FAXDC2: variants seen among roughly 807,000 people sequenced by gnomAD.
The protein encoded by FAXDC2 is fatty acid hydroxylase domain-containing protein 2.
A neutral mutation model predicts 40.9 loss-of-function variants in FAXDC2; 41 were observed. That is an observed-to-expected ratio of 1.00 (90% CI 0.78 to 1.30). FAXDC2 has a LOEUF of 1.30. Ranked by LOEUF, FAXDC2 falls within the 50% of genes most tolerant of loss-of-function variation. FAXDC2 has a pLI of 0.00. For synonymous variants in FAXDC2, 157 were observed against 149.3 expected (o/e 1.05, Z -0.38); for missense variants, 390 against 408.8 (o/e 0.95, Z 0.40).
At position 154,823,514 on chromosome 5, in the gene FAXDC2, A is replaced by T; in HGVS notation, c.445T>A (p.Phe149Ile). ...CACCATTTGAGGAAGGGATAGAGGA[A>T]GACCACCATGGGGAAAGATATCATG... ...QCMISFPMVV[F>I]LYPFLKWWRD... Residue 149 changes from phenylalanine to isoleucine, a missense_variant, in exon 6 of 9, where the codon TTC becomes ATC. By Grantham distance (21) the Phe-to-Ile change is conservative. Transcript: ENST00000326080. The T allele has an allele frequency of 6.2e-7, 1 of 1,614,204 alleles. No homozygotes were observed. The highest frequency in any genetic ancestry group is 8.5e-7 in the Non-Finnish European group (1 of 1,180,014).
chr5:154,846,540 T>G (rs1156841071), intron 1 of FAXDC2, among the ~76,000 whole-genome samples: 1 of 152,080 alleles, frequency 6.6e-6, no homozygotes, highest in Non-Finnish European at 1.5e-5. Context: ...AAGTAAATAT[T>G]TTTTAAACAT....
chr5:154,842,765 C>T (rs950796748), intron 1 of FAXDC2, among the ~76,000 whole-genome samples: 3 of 150,268 alleles, frequency 2.0e-5, no homozygotes, highest in Non-Finnish European at 3.0e-5. Context: ...CTCCTGACCT[C>T]GTGATCTGCC....
At chr5:154,824,641 C>A in intron 5 of FAXDC2, 1 of 693,160 alleles carries the variant, frequency 1.4e-6, no homozygotes, top group South Asian at 1.5e-5. Context: ...TCTATCTATT[C>A]ATTTATTTAT....
Position 154,846,231 on chromosome 5 carries a change from G to A in FAXDC2, c.-1+4252C>T, listed in dbSNP as rs1433174376. Among the ~76,000 whole-genome samples, 7 of 152,056 alleles carry A rather than the reference G, an allele frequency of 4.6e-5. No homozygotes were observed. In the South Asian group the frequency reaches 8.3e-4, roughly 18 times the overall value. On this transcript the variant is annotated intron_variant, in intron 1 of 8. Coordinates refer to ENST00000326080, the MANE Select transcript of FAXDC2 (RefSeq NM_032385.5). ...GGGATTGAAAGGGACACAAAAGCAT[G>A]AGATTGGCCTATATTAGCCATGAAT...
At chr5:154,839,657 G>T (rs918112197) in intron 1 of FAXDC2, among the ~76,000 whole-genome samples, 1 of 142,114 alleles carries the variant, frequency 7.0e-6, no homozygotes, top group Non-Finnish European at 1.5e-5. Context: ...AAAAAAGAAA[G>T]AAAAAAAAAA....
At chr5:154,823,630 G>A (rs758781787) in intron 5 of FAXDC2, 38 bp from the exon 6 acceptor site, 1 of 1,556,502 alleles carries the variant, frequency 6.4e-7, no homozygotes, top group African/African-American at 1.4e-5. Context: ...GGATAAGAGT[G>A]TGAGAAGTAG....
chr5:154,835,500 T>C (rs1010601128), intron 2 of FAXDC2, among the ~76,000 whole-genome samples: 10 of 152,222 alleles, frequency 6.6e-5, no homozygotes, highest in East Asian at 1.9e-4. Context: ...ACTGTGTGCA[T>C]AGGCCAGGCC....
At chr5:154,825,212 A>T (rs1043161257) in intron 5 of FAXDC2, among the ~76,000 whole-genome samples, 6 of 151,188 alleles carry the variant, frequency 4.0e-5, no homozygotes, top group Admixed American at 4.0e-4. Context: ...AAAATACAAA[A>T]ACTTAGCTAG....
chr5:154,845,777 A>T (rs1212604075), intron 1 of FAXDC2, among the ~76,000 whole-genome samples: 1 of 151,250 alleles, frequency 6.6e-6, no homozygotes, highest in Non-Finnish European at 1.5e-5. Context: ...TTTGGCTTCA[A>T]GTTGGACACC....
chr5:154,832,328 C>G (rs1760213942), intron 4 of FAXDC2, among the ~76,000 whole-genome samples: 1 of 152,056 alleles, frequency 6.6e-6, no homozygotes, highest in African/African-American at 2.4e-5. Flanking sequence ...ATTCTCCTGC[C>G]TCAGCCTCCT....
At chr5:154,832,395 AG>A (rs1368844009) in intron 4 of FAXDC2, among the ~76,000 whole-genome samples, 1 of 152,076 alleles carries the variant, frequency 6.6e-6, no homozygotes, top group Non-Finnish European at 1.5e-5. Context: ...TTGTATTTTT[AG>A]TAGAGACGGG....
In FAXDC2 at chr5:154,820,295, G is replaced by C. The variant is rs763834542; in HGVS notation, c.*21C>G. The C allele has an allele frequency of 7.6e-6, 12 of 1,579,042 alleles. No individual in the cohort carries two copies. In the Admixed American group the frequency reaches 2.1e-4, roughly 28 times the overall value. On this transcript the variant is annotated 3_prime_UTR_variant, in exon 9 of 9. Transcript: ENST00000326080. Reference sequence around the variant, plus strand: ...GCATCCCATGGCTGAGGGACAGCCAGGATGACACTTAGGCTGTCTCTCACT... The same window carrying C: ...GCATCCCATGGCTGAGGGACAGCCACGATGACACTTAGGCTGTCTCTCACT...
intron 1 of FAXDC2, among the ~76,000 whole-genome samples, chr5:154,849,418 G>A (rs1350974900): frequency 6.6e-6 from 1 of 152,016 alleles, no homozygotes; most frequent in Admixed American, 6.6e-5. Flanking sequence ...TTACTGTTCT[G>A]CTTGATTGCA....
rs1759980080 is a variant in FAXDC2 at position 154,824,781 on chromosome 5, C to T, written c.367-1189G>A. The stretch of plus-strand genomic sequence containing the variant: ...TCCAGTGAGAAAGGTAGACTAGACA[C>T]AACAAATATAAAAACATATATATCA... On this transcript the variant is annotated intron_variant, in intron 5 of 8. Transcript: ENST00000326080. 7.6e-6 allele frequency: 4 copies of T among 528,814 alleles called. No individual in the cohort carries two copies. In the South Asian group the frequency reaches 1.0e-4, roughly 13 times the overall value. The allele number at this position is 528,814 out of a possible 1,614,324, so 32.8% of individuals were successfully genotyped here.
intron 6 of FAXDC2, 151 bp downstream of exon 6, chr5:154,823,236 A>G: frequency 1.5e-6 from 1 of 667,410 alleles, no homozygotes; most frequent in Non-Finnish European, 2.6e-6. Context: ...CTAGTCTCAA[A>G]CTCCTGGGCT....
chr5:154,835,636 A>C (rs538982777), intron 2 of FAXDC2, among the ~76,000 whole-genome samples: 1 of 152,056 alleles, frequency 6.6e-6, no homozygotes, highest in South Asian at 2.1e-4. Context: ...GCTGGAGTGC[A>C]GTGGCACGAT....
chr5:154,824,317 C>T (rs1759966580), intron 5 of FAXDC2: 1 of 600,492 alleles, frequency 1.7e-6, no homozygotes, highest in East Asian at 2.8e-5. Flanking sequence ...CTCCAGGCAA[C>T]AGTCCTGTGA....
At chr5:154,825,445 T>C (rs1469893437) in intron 5 of FAXDC2, among the ~76,000 whole-genome samples, 7 of 149,352 alleles carry the variant, frequency 4.7e-5, no homozygotes, top group African/African-American at 1.7e-4. Flanking sequence ...GATCACGAGG[T>C]CAGGAGTTTG....
chr5:154,823,709 G>T, intron 5 of FAXDC2, 117 bp from the exon 6 acceptor site: 1 of 790,264 alleles, frequency 1.3e-6, no homozygotes, highest in Non-Finnish European at 2.1e-6. Flanking sequence ...TCGGGGGACA[G>T]CCAGTAGCTC....
Sources: gnomAD v4.1 joint callset for allele counts (sites outside exome capture counted in the v4.1 genomes callset) on GRCh38, gnomAD v4.1.1 for gene constraint, MANE v1.5 for transcripts, NCBI Gene and HGNC (gene_info 2026-07-23, HGNC 2026-07-21) for gene names.